Variants in FOXN3 observed in about 807,000 individuals in gnomAD.
FOXN3 encodes the protein forkhead box protein N3.
FOXN3 carries 7 observed loss-of-function variants against 38.4 expected under a neutral mutation model. The ratio of observed to expected loss-of-function variants is 0.18; its 90% CI spans 0.10 to 0.34. The LOEUF (loss-of-function observed/expected upper bound fraction) is 0.34, where lower values mean the gene tolerates loss of function less well. Ranked by LOEUF, FOXN3 falls within the 10% of genes least tolerant of loss-of-function variation. FOXN3 has a pLI of 1.00. For synonymous variants in FOXN3, 230 were observed against 242.2 expected (o/e 0.95, Z 0.47); for missense variants, 456 against 613.4 (o/e 0.74, Z 2.71).
chr14:89,243,182 G>C (rs1490607202), intron 4 of FOXN3, among the ~76,000 whole-genome samples: 2 of 152,070 alleles, frequency 1.3e-5, no homozygotes, highest in Non-Finnish European at 1.5e-5. Flanking sequence ...GAAGTAGGTA[G>C]GTATATTCAT....
intron 2 of FOXN3, among the ~76,000 whole-genome samples, chr14:89,360,738 A>C (rs1889473950): frequency 7.5e-6 from 1 of 132,588 alleles, no homozygotes. Context: ...CACCACCTCC[A>C]GCACCACCTC....
At chr14:89,341,404 C>A (rs932713198) in intron 3 of FOXN3, among the ~76,000 whole-genome samples, 1 of 152,194 alleles carries the variant, frequency 6.6e-6, no homozygotes, top group Non-Finnish European at 1.5e-5. Flanking sequence ...ATTCCCTGTT[C>A]TTCAACAGTA....
intron 3 of FOXN3, among the ~76,000 whole-genome samples, chr14:89,346,017 C>G (rs1888749474): frequency 6.6e-6 from 1 of 152,200 alleles, no homozygotes; most frequent in South Asian, 2.1e-4. Flanking sequence ...CGCGGCACTG[C>G]ACTCCAGCCT....
At chr14:89,433,362 G>A (rs938216186) in intron 1 of FOXN3, among the ~76,000 whole-genome samples, 1 of 152,036 alleles carries the variant, frequency 6.6e-6, no homozygotes, top group Non-Finnish European at 1.5e-5. Context: ...CGGGCTTGTA[G>A]TCCCAGCTAC....
In FOXN3 at chr14:89,606,501, C is replaced by T. The variant is rs150892058; in HGVS notation, c.-15+12527G>A. On this transcript the variant is annotated intron_variant, in intron 1 of 6. Transcript: ENST00000345097. Reference sequence around the variant, plus strand: ...GAAAAGAGAATTATAGGACTTCTCACGCCTGAACATATGTATCTAATACAT... The same window carrying T: ...GAAAAGAGAATTATAGGACTTCTCATGCCTGAACATATGTATCTAATACAT... Among the ~76,000 whole-genome samples the T allele has an allele frequency of 1.9e-3, 296 of 152,302 alleles. 1 individual carries two copies. Among genetic ancestry groups the T allele is most frequent in the Non-Finnish European group, 3.7e-3 (249 of 68,036 alleles).
rs1032063820 is a variant in FOXN3, at chr14:89,295,762, A to ATT, written c.681-14750_681-14749dup. ...GCCACCATGCCTGGCTAATTTTTGC[A>ATT]TTTTTTTTTTTTTTTTTTGTAGAGA... On this transcript the variant is annotated intron_variant, in intron 3 of 5. Coordinates refer to ENST00000557258, the MANE Select transcript of FOXN3 (RefSeq NM_005197.4). 7.4e-3 allele frequency among the ~76,000 whole-genome samples: 906 copies of ATT among 123,212 alleles called. 16 individuals are homozygous for ATT. Among genetic ancestry groups the ATT allele is most frequent in the African/African-American group, 0.024 (774 of 32,766 alleles). 80.8% of individuals were successfully genotyped at this position (123,212 alleles called of 152,430 possible). A position where few individuals can be genotyped will look rare whatever the true frequency, so the allele number is the denominator to read the frequency against.
intron 4 of FOXN3, among the ~76,000 whole-genome samples, chr14:89,276,138 G>A (rs1848242377): frequency 6.6e-6 from 1 of 152,110 alleles, no homozygotes; most frequent in Non-Finnish European, 1.5e-5. Flanking sequence ...AATTAGCTGA[G>A]TGGGGTAGTG....
At chr14:89,226,468 G>A (rs149071986) in intron 4 of FOXN3, among the ~76,000 whole-genome samples, 27 of 152,198 alleles carry the variant, frequency 1.8e-4, no homozygotes, top group African/African-American at 6.5e-4. Flanking sequence ...TAGAGATGGG[G>A]CCTCACTATG....
intron 1 of FOXN3, among the ~76,000 whole-genome samples, chr14:89,463,809 A>T (rs1596284397): frequency 7.6e-6 from 1 of 131,272 alleles, no homozygotes; most frequent in Non-Finnish European, 1.6e-5. Context: ...TTTGAGATGG[A>T]GTTGTGCTCT....
chr14:89,502,548 C>A (rs778732534), intron 1 of FOXN3, among the ~76,000 whole-genome samples: 3 of 152,184 alleles, frequency 2.0e-5, no homozygotes, highest in Non-Finnish European at 4.4e-5. Context: ...ATAAACTGCA[C>A]ATTTTTCTAC....
At chr14:89,174,624 T>A (rs572515556) in intron 5 of FOXN3, among the ~76,000 whole-genome samples, 1 of 152,184 alleles carries the variant, frequency 6.6e-6, no homozygotes, top group East Asian at 1.9e-4. Context: ...ACGAACGTCA[T>A]TGATATGAAA....
Position 89,425,217 on chromosome 14 carries a change from C to T in FOXN3, c.-14-12727G>A, listed in dbSNP as rs370907451. On this transcript the variant is annotated intron_variant, in intron 1 of 6. Transcript: ENST00000345097. ...TCCCAAGTAGCTGGGATTACAGGCA[C>T]ATGCCATCATACCCAGCTATTGTTT... Among the ~76,000 whole-genome samples, 64 of 151,872 alleles carry T rather than the reference C, an allele frequency of 4.2e-4. No individual in the cohort carries two copies. The South Asian group carries it at 0.013, about 31-fold the overall frequency.
chr14:89,191,118 TA>T (rs1887930603), intron 4 of FOXN3, among the ~76,000 whole-genome samples: 1 of 152,222 alleles, frequency 6.6e-6, no homozygotes, highest in Admixed American at 6.5e-5. Context: ...CTATAATTCT[TA>T]ATAGGTTTCT....
chr14:89,595,519 A>G (rs1896041043), intron 1 of FOXN3, among the ~76,000 whole-genome samples: 1 of 152,170 alleles, frequency 6.6e-6, no homozygotes, highest in Non-Finnish European at 1.5e-5. Context: ...AGAGAAATAC[A>G]ATTTACTTTT....
chr14:89,467,894 C>T (rs1242109378), intron 1 of FOXN3, among the ~76,000 whole-genome samples: 2 of 143,738 alleles, frequency 1.4e-5, no homozygotes, highest in Admixed American at 1.4e-4. Context: ...AATCCTTCCT[C>T]CCACCTCAGC....
chr14:89,233,283 T>C (rs184271549), intron 4 of FOXN3, among the ~76,000 whole-genome samples: 11 of 152,340 alleles, frequency 7.2e-5, no homozygotes, highest in African/African-American at 2.6e-4. Context: ...TTAGTTGCTC[T>C]ACTTCACCCT....
rs142272248 is a variant in FOXN3 at position 89,237,350 on chromosome 14, T to C, written c.745+43600A>G. Reference sequence around the variant, plus strand: ...TGACAACACCAAATGCTGGCAAGGATGCAGAGAAATGGGATCACTCACCCA... The same window carrying C: ...TGACAACACCAAATGCTGGCAAGGACGCAGAGAAATGGGATCACTCACCCA... On this transcript the variant is annotated intron_variant, in intron 4 of 5. Transcript: ENST00000557258. Among the ~76,000 whole-genome samples, 627 of 152,310 alleles carry C rather than the reference T, an allele frequency of 4.1e-3. 1 individual carries two copies. Among genetic ancestry groups the C allele is most frequent in the African/African-American group, 0.014 (584 of 41,570 alleles).
chr14:89,461,037 A>G (rs1892836218), intron 1 of FOXN3, among the ~76,000 whole-genome samples: 1 of 137,394 alleles, frequency 7.3e-6, no homozygotes, highest in Non-Finnish European at 1.6e-5. Flanking sequence ...TTAAAAAAAA[A>G]AGGGGGGGGG....
chr14:89,180,808 T>C lies in FOXN3; in HGVS notation c.746-2A>G. 6.2e-7 allele frequency: 1 copy of C among 1,601,562 alleles called. No individual in the cohort carries two copies. Among genetic ancestry groups the C allele is most frequent in the Non-Finnish European group, 8.5e-7 (1 of 1,173,358 alleles). On this transcript the variant is annotated splice_acceptor_variant, in intron 4 of 5. Transcript: ENST00000557258. LOFTEE classifies it high-confidence loss of function. Reference sequence around the variant, plus strand: ...CATTTTGGATCACTCCTGGAGGAACTGAAAAAGCAAAGGGGAGAAAGACAC... The same window carrying C: ...CATTTTGGATCACTCCTGGAGGAACCGAAAAAGCAAAGGGGAGAAAGACAC...
Sources: gnomAD v4.1 joint callset for allele counts (sites outside exome capture counted in the v4.1 genomes callset) on GRCh38, gnomAD v4.1.1 for gene constraint, MANE v1.5 for transcripts, NCBI Gene and HGNC (gene_info 2026-07-23, HGNC 2026-07-21) for gene names.